Variants in TENM2 observed in about 807,000 individuals in gnomAD.
TENM2 encodes teneurin transmembrane protein 2.
A neutral mutation model predicts 245.2 loss-of-function variants in TENM2; 52 were observed. The observed-to-expected ratio is 0.21, with a 90% CI of 0.17 to 0.27. TENM2 has a LOEUF of 0.27. Ranked by LOEUF, TENM2 falls within the 10% of genes least tolerant of loss-of-function variation. The pLI is 1.00. For missense variants in TENM2, 3,046 were observed against 3,666.8 expected, an observed-to-expected ratio of 0.83 and a Z score of 4.37; for synonymous variants, 1,363 against 1,438.9, an observed-to-expected ratio of 0.95 and a Z score of 1.19.
rs1213897400 is a variant in TENM2, at chr5:167,746,815, TGTGTGTGCGTCTATGTGTGTGTGC to T, written c.503-129163_503-129140del. Among the ~76,000 whole-genome samples, 58 of 152,236 alleles carry T rather than the reference TGTGTGTGCGTCTATGTGTGTGTGC, an allele frequency of 3.8e-4. No homozygotes were observed. The East Asian group carries it at 0.01, about 27-fold the overall frequency. Reference sequence around the variant, plus strand: ...CAGCTGGATAATCTGCAGATATGTGTGTGTGTGCGTCTATGTGTGTGTGCGTGTGTGTGCATACACACATAAAAT... The same window carrying T: ...CAGCTGGATAATCTGCAGATATGTGTGTGTGTGTGCATACACACATAAAAT... On this transcript the variant is annotated intron_variant, in intron 2 of 28. Coordinates refer to ENST00000518659, the Ensembl canonical transcript of TENM2.
At chr5:167,741,913 A>G (rs7736577) in intron 2 of TENM2, among the ~76,000 whole-genome samples, 10,278 of 152,204 alleles carry the variant, frequency 0.068, 411 homozygotes, top group African/African-American at 0.1. Flanking sequence ...CCTGGTTGTC[A>G]TGGAATTTGA....
chr5:167,645,000 G>A (rs1779840830), intron 2 of TENM2, among the ~76,000 whole-genome samples: 2 of 152,152 alleles, frequency 1.3e-5, no homozygotes, highest in African/African-American at 4.8e-5. Flanking sequence ...ATGTTATTAT[G>A]TTATTGTACT....
At chr5:167,676,460 T>C (rs1025848276) in intron 2 of TENM2, among the ~76,000 whole-genome samples, 50 of 152,244 alleles carry the variant, frequency 3.3e-4, no homozygotes, top group African/African-American at 1.2e-3. Context: ...ATTTCTAATG[T>C]CTGGTACTCA....
At chr5:167,268,438 C>T in the TENM2 span, among the ~76,000 whole-genome samples, 97,690 of 151,990 alleles carry the variant, frequency 0.64, 33,379 homozygotes, top group Middle Eastern at 0.86. Context: ...TATTTTGTTA[C>T]ATTGTACTAG....
At chr5:167,648,611 A>T (rs1461742046) in intron 2 of TENM2, among the ~76,000 whole-genome samples, 1 of 152,200 alleles carries the variant, frequency 6.6e-6, no homozygotes, top group Non-Finnish European at 1.5e-5. Context: ...GTTTGATGTC[A>T]GTCTCCAGGG....
intron 3 of TENM2, among the ~76,000 whole-genome samples, chr5:167,916,040 G>A (rs908322497): frequency 9.2e-5 from 14 of 152,216 alleles, no homozygotes; most frequent in Admixed American, 6.5e-4. Context: ...TTATAGGTTT[G>A]TGATGAGGAT....
At chr5:168,055,955 C>A (rs1451543556) in intron 6 of TENM2, among the ~76,000 whole-genome samples, 1 of 152,192 alleles carries the variant, frequency 6.6e-6, no homozygotes, top group Non-Finnish European at 1.5e-5. Context: ...TCAGCTAGAC[C>A]TTAAAATGTC....
At chr5:167,792,902 G>A (rs147290516) in intron 2 of TENM2, among the ~76,000 whole-genome samples, 9 of 152,180 alleles carry the variant, frequency 5.9e-5, no homozygotes, top group East Asian at 3.9e-4. Flanking sequence ...CTGAGGTTTC[G>A]GTCCCTGACT....
intron 2 of TENM2, among the ~76,000 whole-genome samples, chr5:167,865,532 C>T (rs1307259557): frequency 1.3e-5 from 2 of 152,176 alleles, no homozygotes; most frequent in Admixed American, 1.3e-4. Context: ...CCTTGGCCTC[C>T]CAAAGTGCTG....
chr5:167,032,050 G>A, the TENM2 span, among the ~76,000 whole-genome samples: 3 of 152,056 alleles, frequency 2.0e-5, no homozygotes, highest in African/African-American at 7.2e-5. Flanking sequence ...GAACTTTGCG[G>A]CTAATGTTTT....
chr5:168,258,902 G>T (rs993270007), intron 27 of TENM2, among the ~76,000 whole-genome samples: 1 of 152,062 alleles, frequency 6.6e-6, no homozygotes, highest in African/African-American at 2.4e-5. Flanking sequence ...AAATGATTAG[G>T]CCAGGCACAG....
chr5:167,211,753 A>G, the TENM2 span, among the ~76,000 whole-genome samples: 28 of 152,274 alleles, frequency 1.8e-4, no homozygotes, highest in African/African-American at 6.5e-4. Flanking sequence ...ATAGGTTTAT[A>G]GATTTTTTTT....
intron 1 of TENM2, among the ~76,000 whole-genome samples, chr5:167,299,141 A>G (rs1755151674): frequency 6.6e-6 from 1 of 152,174 alleles, no homozygotes; most frequent in Non-Finnish European, 1.5e-5. Context: ...AAGGACCTTT[A>G]GTCCGTTCTA....
At chr5:167,786,616 G>A (rs1764594654) in intron 2 of TENM2, among the ~76,000 whole-genome samples, 1 of 152,214 alleles carries the variant, frequency 6.6e-6, no homozygotes, top group Non-Finnish European at 1.5e-5. Context: ...TGACCAGGCT[G>A]TGGAAACTCC....
chr5:167,750,595 G>A (rs530875811), intron 2 of TENM2, among the ~76,000 whole-genome samples: 1 of 152,208 alleles, frequency 6.6e-6, no homozygotes, highest in South Asian at 2.1e-4. Flanking sequence ...TAGAACACAC[G>A]ATAGTGGTAC....
At chr5:168,088,348 C>T (rs940603406) in intron 7 of TENM2, 1 of 152,210 alleles carries the variant, frequency 6.6e-6, no homozygotes, top group African/African-American at 2.4e-5. Flanking sequence ...TCTCCAAAAG[C>T]AGCATCAGTT....
At chr5:167,200,155 T>TTG in the TENM2 span, among the ~76,000 whole-genome samples, 182 of 150,524 alleles carry the variant, frequency 1.2e-3, no homozygotes, top group Non-Finnish European at 1.8e-3. Context: ...CTATCCCCCT[T>TTG]TGTGTGTGTG....
intron 4 of TENM2, among the ~76,000 whole-genome samples, chr5:167,973,643 G>A (rs1331716015): frequency 1.3e-5 from 2 of 152,196 alleles, no homozygotes; most frequent in Admixed American, 1.3e-4. Context: ...CGGGGTCTGA[G>A]TTCCATCTGG....
exon 28 of TENM2, chr5:168,260,356 G>A: frequency 6.2e-7 from 1 of 1,614,004 alleles, no homozygotes; most frequent in South Asian, 1.1e-5. Context: ...GAGCCAAAAT[G>A]TATTTCGTGC....
Sources: gnomAD v4.1 joint callset for allele counts (sites outside exome capture counted in the v4.1 genomes callset) on GRCh38, gnomAD v4.1.1 for gene constraint, MANE v1.5 for transcripts, NCBI Gene and HGNC (gene_info 2026-07-23, HGNC 2026-07-21) for gene names.